The following MAPK4 variants were observed in gnomAD, a reference collection of about 807,000 sequenced individuals.
MAPK4 encodes Erk3-related.
In MAPK4, 22 loss-of-function variants were observed where a neutral mutation model predicts 47.7. That is an observed-to-expected ratio of 0.46 (90% CI 0.33 to 0.66). The LOEUF (loss-of-function observed/expected upper bound fraction) is 0.66. Among genes scored for constraint, MAPK4 ranks in the 30% least tolerant of loss-of-function variants. MAPK4 has a pLI of 0.02. For missense variants in MAPK4, 736 were observed against 831.7 expected (o/e 0.88, Z 1.42); for synonymous variants, 390 against 365.7 (o/e 1.07, Z -0.76).
intron 2 of MAPK4, chr18:50,705,321 AACT>A (rs1909992503): frequency 6.6e-6 from 1 of 152,320 alleles, no homozygotes; most frequent in Non-Finnish European, 1.5e-5. Context: ...GAGGGAAAAC[AACT>A]GGCTCTTGCC....
rs1271502641 is a variant in MAPK4 at position 50,560,191 on chromosome 18, GCAGA to G, written c.-920_-917del. ...GGCCGAGCGCGCCGGCGCCGCGGCCGCAGACAAAGGGCGGCTCGCGCCCGGGCCG... is the reference window on the plus strand; with the variant it reads ...GGCCGAGCGCGCCGGCGCCGCGGCCGCAAAGGGCGGCTCGCGCCCGGGCCG... On this transcript the variant is annotated 5_prime_UTR_variant, in exon 1 of 6. Coordinates refer to ENST00000400384, the MANE Select transcript of MAPK4 (RefSeq NM_002747.4). 6.6e-6 allele frequency: 1 copy of G among 150,970 alleles called. No individual in the cohort carries two copies. The highest frequency in any genetic ancestry group is 2.4e-5 in the African/African-American group (1 of 41,306). 9.4% of individuals were successfully genotyped at this position (150,970 alleles called of 1,614,324 possible). A position where few individuals can be genotyped will look rare whatever the true frequency, so the allele number is the denominator to read the frequency against.
intron 3 of MAPK4, among the ~76,000 whole-genome samples, chr18:50,719,083 CAAA>C (rs11356183): frequency 5.6e-5 from 7 of 124,300 alleles, no homozygotes; most frequent in Admixed American, 8.7e-5. Flanking sequence ...GACTCCACCT[CAAA>C]AAAAAAAAAA....
rs544496929 is a variant in MAPK4, at chr18:50,637,562, C to A, written c.-870-25527C>A. Among the ~76,000 whole-genome samples the A allele has an allele frequency of 3.9e-5, 6 of 152,360 alleles. No individual in the cohort carries two copies. The South Asian group carries it at 8.3e-4, about 21-fold the overall frequency. ...CCACTTGTCAGCAGTGTGGCCCCAG[C>A]CAGGCTACTTCTATGCACCTGTTTC... On this transcript the variant is annotated intron_variant, in intron 1 of 5. Coordinates refer to ENST00000400384, the MANE Select transcript of MAPK4 (RefSeq NM_002747.4).
intron 4 of MAPK4, among the ~76,000 whole-genome samples, chr18:50,724,674 C>T (rs1911099806): frequency 6.6e-6 from 1 of 152,240 alleles, no homozygotes; most frequent in South Asian, 2.1e-4. Flanking sequence ...TGCAGCACTG[C>T]GTCCTCCTGG....
chr18:50,700,119 G>A (rs1035603636), intron 2 of MAPK4, among the ~76,000 whole-genome samples: 1 of 152,104 alleles, frequency 6.6e-6, no homozygotes, highest in African/African-American at 2.4e-5. Flanking sequence ...CTGATACCAC[G>A]TGGCTCAAAG....
intron 1 of MAPK4, among the ~76,000 whole-genome samples, chr18:50,567,026 TTTTGTGAACATAAATTC>T (rs934030136): frequency 1.5e-4 from 23 of 152,352 alleles, no homozygotes; most frequent in African/African-American, 5.0e-4. Flanking sequence ...TGAACATAAT[TTTTGTGAACATAAATTC>T]TTTGTGAACA....
At chr18:50,596,972 T>A (rs1445756797) in intron 1 of MAPK4, among the ~76,000 whole-genome samples, 1 of 152,216 alleles carries the variant, frequency 6.6e-6, no homozygotes, top group Non-Finnish European at 1.5e-5. Context: ...GTAGGTAGAA[T>A]TTGCACAGAT....
intron 1 of MAPK4, among the ~76,000 whole-genome samples, chr18:50,594,794 A>G (rs1011648786): frequency 9.9e-5 from 15 of 152,248 alleles, no homozygotes; most frequent in Non-Finnish European, 2.9e-5. Context: ...TTAATAGGCA[A>G]TCCATAGGCT....
At chr18:50,648,768 C>T (rs972902561) in intron 1 of MAPK4, among the ~76,000 whole-genome samples, 2 of 152,292 alleles carry the variant, frequency 1.3e-5, no homozygotes, top group South Asian at 4.1e-4. Flanking sequence ...CACGATAAGG[C>T]TTTACCTCCC....
intron 1 of MAPK4, among the ~76,000 whole-genome samples, chr18:50,572,892 A>G (rs2042262177): frequency 6.6e-6 from 1 of 152,228 alleles, no homozygotes; most frequent in African/African-American, 2.4e-5. Context: ...GTCAGATTTC[A>G]GTAATCTAAA....
chr18:50,619,650 C>G (rs2042714234), intron 1 of MAPK4, among the ~76,000 whole-genome samples: 1 of 152,146 alleles, frequency 6.6e-6, no homozygotes, highest in Non-Finnish European at 1.5e-5. Context: ...GGGCCTTCAT[C>G]CAGTGAGACA....
chr18:50,681,278 GT>G (rs1908571373), intron 2 of MAPK4, among the ~76,000 whole-genome samples: 1 of 152,222 alleles, frequency 6.6e-6, no homozygotes, highest in South Asian at 2.1e-4. Flanking sequence ...AATTATAAAA[GT>G]TTTTTAAATA....
intron 1 of MAPK4, among the ~76,000 whole-genome samples, chr18:50,563,019 A>G (rs1007382513): frequency 1.3e-5 from 2 of 152,062 alleles, no homozygotes. Flanking sequence ...TGGTACAATG[A>G]TTTTTTTCTC....
intron 5 of MAPK4, among the ~76,000 whole-genome samples, chr18:50,727,254 G>C (rs534678011): frequency 1.2e-4 from 18 of 152,344 alleles, no homozygotes; most frequent in Admixed American, 1.2e-3. Flanking sequence ...TTTAGAAACA[G>C]CAGTCGAGGG....
At chr18:50,615,434 C>T (rs1598828919) in intron 1 of MAPK4, among the ~76,000 whole-genome samples, 2 of 152,306 alleles carry the variant, frequency 1.3e-5, no homozygotes, top group African/African-American at 2.4e-5. Flanking sequence ...AGATATTGTC[C>T]TCATGGGCAT....
intron 1 of MAPK4, among the ~76,000 whole-genome samples, chr18:50,603,526 A>T (rs1470074218): frequency 6.6e-6 from 1 of 151,556 alleles, no homozygotes; most frequent in Non-Finnish European, 1.5e-5. Context: ...AGCAAATGTG[A>T]CTCTGTCATT....
chr18:50,645,971 G>A (rs369570307), intron 1 of MAPK4, among the ~76,000 whole-genome samples: 8 of 152,220 alleles, frequency 5.3e-5, no homozygotes, highest in Admixed American at 2.0e-4. Flanking sequence ...TGGGATCTAT[G>A]TGATTATTTC....
intron 1 of MAPK4, among the ~76,000 whole-genome samples, chr18:50,594,340 C>T (rs1036312215): frequency 3.9e-5 from 6 of 152,056 alleles, no homozygotes; most frequent in African/African-American, 9.7e-5. Flanking sequence ...CTCTAGGCAT[C>T]GTTCAATCAA....
intron 2 of MAPK4, among the ~76,000 whole-genome samples, chr18:50,690,945 G>T (rs1909180904): frequency 6.6e-6 from 1 of 152,046 alleles, no homozygotes; most frequent in East Asian, 1.9e-4. Context: ...AGGAACAAAA[G>T]TCTGTCTTAA....
Sources: gnomAD v4.1 joint callset for allele counts (sites outside exome capture counted in the v4.1 genomes callset) on GRCh38, gnomAD v4.1.1 for gene constraint, MANE v1.5 for transcripts, NCBI Gene and HGNC (gene_info 2026-07-23, HGNC 2026-07-21) for gene names.